The following THSD7A variants were observed in gnomAD, a reference collection of about 807,000 sequenced individuals.
THSD7A encodes thrombospondin type 1 domain containing 7A, also known as thrombospondin type-1 domain-containing protein 7A.
THSD7A carries 96 observed loss-of-function variants against 231.3 expected under a neutral mutation model. That is an observed-to-expected ratio of 0.41 (90% confidence interval 0.35 to 0.49). The LOEUF (loss-of-function observed/expected upper bound fraction) is 0.49, where lower values mean the gene tolerates loss of function less well. Among genes scored for constraint, THSD7A ranks in the 20% least tolerant of loss-of-function variants. The pLI is 0.05. For synonymous variants in THSD7A, 940 were observed against 743.3 expected (o/e 1.26, Z -4.30); for missense variants, 2,290 against 2,070.2 (o/e 1.11, Z -2.06).
At position 11,636,713 on chromosome 7, in the gene THSD7A, T is replaced by G. The variant is rs752781305; in HGVS notation, c.439A>C (p.Ile147Leu). 1.2e-6 allele frequency: 2 copies of G among 1,614,028 alleles called. No individual in the cohort carries two copies. Among genetic ancestry groups the G allele is most frequent in the Non-Finnish European group, 8.5e-7 (1 of 1,179,900 alleles). ...ACCTGAATACCTTCTTCCCCCTTAA[T>G]GCACTCAAGAGGTTTCTCTAGGCTT... The part of the protein sequence containing the change: ...SKSLEKPLEC[I>L]KGEEGIQVRE... The change falls in exon 2 of 28, where the codon ATT (isoleucine) becomes CTT (leucine). Residue 147 changes from isoleucine to leucine, a missense_variant. Transcript: ENST00000423059. This position sits in a 1 kb window ranked among gnomAD's most constrained non-coding sequence, Gnocchi z 10.0.
At chr7:11,710,464 C>CT (rs1417886968) in intron 1 of THSD7A, among the ~76,000 whole-genome samples, 5 of 150,816 alleles carry the variant, frequency 3.3e-5, no homozygotes, top group African/African-American at 1.2e-4. Flanking sequence ...ATAAATCTTC[C>CT]TTTGCAAAAA....
intron 1 of THSD7A, among the ~76,000 whole-genome samples, chr7:11,770,934 T>G (rs542442440): frequency 5.5e-4 from 83 of 151,892 alleles, no homozygotes; most frequent in African/African-American, 1.9e-3. Flanking sequence ...TCCATTAATA[T>G]ACAATAAATT....
In THSD7A at chr7:11,645,866, C is replaced by A. The variant is rs545660300; in HGVS notation, c.191-8905G>T. 2.0e-5 allele frequency among the ~76,000 whole-genome samples: 3 copies of A among 151,910 alleles called. No homozygotes were observed. The East Asian group carries it at 5.8e-4, about 29-fold the overall frequency. ...TGTAAATCTGAAGAAAATATAAAGC[C>A]ATCAACCACTCAAATATTTCTGTGG... On this transcript the variant is annotated intron_variant, in intron 1 of 27. Coordinates refer to ENST00000423059, the MANE Select transcript of THSD7A (RefSeq NM_015204.3).
In THSD7A at chr7:11,474,315, G is replaced by C. The variant is rs759755399; in HGVS notation, c.2252+19C>G. The C allele has an allele frequency of 6.3e-6, 10 of 1,590,786 alleles. No individual in the cohort carries two copies. The Admixed American group carries it at 6.8e-5, about 11-fold the overall frequency. On this transcript the variant is annotated intron_variant, in intron 8 of 27. Transcript: ENST00000423059. This position sits in a 1 kb window ranked among gnomAD's most constrained non-coding sequence, Gnocchi z 4.1. ...ACAGGTGGCTACACGATTTACTGTTGTCATTCTAAAGCTCTTACTTTTTGG... is the reference window on the plus strand; with the variant it reads ...ACAGGTGGCTACACGATTTACTGTTCTCATTCTAAAGCTCTTACTTTTTGG...
intron 6 of THSD7A, among the ~76,000 whole-genome samples, chr7:11,506,703 G>A (rs1195255267): frequency 2.6e-5 from 4 of 152,092 alleles, no homozygotes; most frequent in Admixed American, 6.5e-5. Flanking sequence ...AACACTTTAA[G>A]CATTCTACTG....
chr7:11,649,788 A>G (rs1288465301), intron 1 of THSD7A, among the ~76,000 whole-genome samples: 1 of 152,070 alleles, frequency 6.6e-6, no homozygotes, highest in Non-Finnish European at 1.5e-5. Context: ...TGATCTAGCT[A>G]AGATTTCCAC....
At chr7:11,585,117 G>T (rs1464679103) in intron 4 of THSD7A, among the ~76,000 whole-genome samples, 1 of 152,120 alleles carries the variant, frequency 6.6e-6, no homozygotes, top group Non-Finnish European at 1.5e-5. Flanking sequence ...TGCCTTTTTG[G>T]TTGAATACTT....
chr7:11,778,186 C>T (rs1000306868), intron 1 of THSD7A, among the ~76,000 whole-genome samples: 24 of 137,448 alleles, frequency 1.7e-4, no homozygotes, highest in African/African-American at 6.1e-4. Flanking sequence ...AAAGAAAGCC[C>T]TTTCCTATGT....
At chr7:11,781,787 T>C (rs911661097) in intron 1 of THSD7A, among the ~76,000 whole-genome samples, 1 of 152,234 alleles carries the variant, frequency 6.6e-6, no homozygotes, top group African/African-American at 2.4e-5. Flanking sequence ...TGTTAAAGAT[T>C]TCTGGCTTCA....
At chr7:11,435,278 C>G (rs1784598874) in intron 13 of THSD7A, among the ~76,000 whole-genome samples, 1 of 152,084 alleles carries the variant, frequency 6.6e-6, no homozygotes, top group South Asian at 2.1e-4. Context: ...GGCCCTTGGC[C>G]AGGTAGGTCT....
At chr7:11,647,320 G>A (rs1010757355) in intron 1 of THSD7A, among the ~76,000 whole-genome samples, 1 of 152,006 alleles carries the variant, frequency 6.6e-6, no homozygotes, top group African/African-American at 2.4e-5. Context: ...AGTGACTCAG[G>A]GGAACGATGG....
chr7:11,400,281 G>A (rs932796738), intron 23 of THSD7A, among the ~76,000 whole-genome samples: 3 of 151,994 alleles, frequency 2.0e-5, no homozygotes, highest in South Asian at 2.1e-4. Flanking sequence ...TGCATGTTGT[G>A]CACATGTACC....
intron 4 of THSD7A, among the ~76,000 whole-genome samples, chr7:11,546,204 T>TGCACACACACACACACACA (rs1562706169): frequency 7.1e-6 from 1 of 140,266 alleles, no homozygotes; most frequent in Non-Finnish European, 1.6e-5. Flanking sequence ...GGGCGCGCGC[T>TGCACACACACACACACACA]CACACACACA....
intron 24 of THSD7A, among the ~76,000 whole-genome samples, chr7:11,380,377 A>G (rs1782462837): frequency 6.6e-6 from 1 of 152,152 alleles, no homozygotes; most frequent in South Asian, 2.1e-4. Context: ...AGATGTCATA[A>G]AAAACATTGG....
At chr7:11,532,198 C>T (rs1047809951) in intron 6 of THSD7A, among the ~76,000 whole-genome samples, 2 of 152,034 alleles carry the variant, frequency 1.3e-5, no homozygotes, top group Non-Finnish European at 2.9e-5. Flanking sequence ...TAGGCCATTC[C>T]ACCCATGCCA....
chr7:11,725,175 T>G (rs781152549), intron 1 of THSD7A, among the ~76,000 whole-genome samples: 1 of 151,988 alleles, frequency 6.6e-6, no homozygotes, highest in Non-Finnish European at 1.5e-5. Flanking sequence ...TGCTGAAGTT[T>G]TAACAACCAA....
At chr7:11,638,081 A>G (rs1263219649) in intron 1 of THSD7A, among the ~76,000 whole-genome samples, 4 of 152,152 alleles carry the variant, frequency 2.6e-5, no homozygotes, top group Admixed American at 2.6e-4. Flanking sequence ...ACACCCTTAC[A>G]CTACTGTCGT....
intron 1 of THSD7A, among the ~76,000 whole-genome samples, chr7:11,790,113 A>G (rs1783904983): frequency 6.6e-6 from 1 of 152,058 alleles, no homozygotes; most frequent in Non-Finnish European, 1.5e-5. Flanking sequence ...AGAACAAATT[A>G]AGTATTAATT....
chr7:11,481,641 C>T, intron 7 of THSD7A, 147 bp downstream of exon 7: 1 of 743,290 alleles, frequency 1.3e-6, no homozygotes, highest in Non-Finnish European at 2.0e-6. Context: ...AATCAAATTG[C>T]TCAACACATC....
Sources: gnomAD v4.1 joint callset for allele counts (sites outside exome capture counted in the v4.1 genomes callset) on GRCh38, gnomAD v4.1.1 for gene constraint, Gnocchi (gnomAD v3.1) non-coding constraint, MANE v1.5 for transcripts, NCBI Gene and HGNC (gene_info 2026-07-23, HGNC 2026-07-21) for gene names.